Variants in TMTC1 observed in about 807,000 individuals in gnomAD.
TMTC1 encodes the protein protein O-mannosyl-transferase TMTC1.
TMTC1 carries 73 observed loss-of-function variants against 104.8 expected under a neutral mutation model. The ratio of observed to expected loss-of-function variants is 0.70; its 90% confidence interval spans 0.58 to 0.85. TMTC1 has a LOEUF of 0.85. TMTC1 is among the 40% of genes least tolerant of loss of function. The pLI, the probability that TMTC1 is intolerant of heterozygous loss-of-function variation, is 0.00. For synonymous variants in TMTC1, 434 were observed against 428.7 expected (o/e 1.01, Z -0.15); for missense variants, 1,035 against 1,096.1 (o/e 0.94, Z 0.79).
rs1342262239 is a variant in TMTC1, at chr12:29,572,124, G to A, written c.1513C>T (p.His505Tyr). 6 of 1,613,802 alleles carry A rather than the reference G, an allele frequency of 3.7e-6. No homozygotes were observed. The highest frequency in any genetic ancestry group is 1.7e-5 in the Admixed American group (1 of 60,014). ...GCTTACTTGAGAGCTGTTCTGTAGT[G>A]GTAGATCGCTTCCTTGTTCCGACCT... ...DQGRNKEAIY[H>Y]YRTALKLYPR... Residue 505 changes from histidine to tyrosine, a missense_variant, in exon 9 of 18, where the codon CAC (histidine) becomes TAC (tyrosine). By Grantham distance (83) the His-to-Tyr change is moderately conservative. Coordinates refer to ENST00000539277, the MANE Select transcript of TMTC1 (RefSeq NM_001193451.2).
intron 10 of TMTC1, among the ~76,000 whole-genome samples, chr12:29,552,670 C>T (rs299476): frequency 1 from 152,313 of 152,334 alleles, 76,146 homozygotes; most frequent in Middle Eastern, 1. Flanking sequence ...ATTAATCAAA[C>T]AGGAATAATG....
chr12:29,733,649 A>T (rs1942600557), intron 5 of TMTC1, among the ~76,000 whole-genome samples: 1 of 152,152 alleles, frequency 6.6e-6, no homozygotes, highest in Admixed American at 6.5e-5. Context: ...TTCTGAACAC[A>T]TTCTGCCTTG....
At position 29,718,040 on chromosome 12, in the gene TMTC1, T is replaced by C. The variant is rs1240778030; in HGVS notation, c.938+33626A>G. On this transcript the variant is annotated intron_variant, in intron 5 of 17. Coordinates refer to ENST00000539277, the MANE Select transcript of TMTC1 (RefSeq NM_001193451.2). ...CCATCAGTTAAAATGTCAAAATAAG[T>C]AAAGGGAGGTAATATTTATGCTAAT... Among the ~76,000 whole-genome samples the C allele has an allele frequency of 2.0e-5, 3 of 152,222 alleles. No homozygotes were observed. In the East Asian group the frequency reaches 5.8e-4, roughly 29 times the overall value.
In TMTC1 at chr12:29,581,093, C is replaced by T. The variant is rs556578555; in HGVS notation, c.1418+2314G>A. Among the ~76,000 whole-genome samples the T allele has an allele frequency of 2.0e-5, 3 of 152,224 alleles. No homozygotes were observed. In the East Asian group the frequency reaches 5.8e-4, roughly 29 times the overall value. On this transcript the variant is annotated intron_variant, in intron 8 of 17. Transcript: ENST00000539277. ...AAGCACAGAGTGGATAAGTAACTTG[C>T]CTAAGATCACACAGCTATTCAATGG...
Position 29,570,174 on chromosome 12 carries a change from AAATAGTAATTAATTAT to A in TMTC1, c.1532+1915_1532+1930del, listed in dbSNP as rs879737051. 1.5e-3 allele frequency among the ~76,000 whole-genome samples: 229 copies of A among 152,346 alleles called. 1 individual carries two copies. The highest frequency in any genetic ancestry group is 2.6e-3 in the Non-Finnish European group (176 of 68,034). On this transcript the variant is annotated intron_variant, in intron 9 of 17. Transcript: ENST00000539277. ...TTCAAGAATGCCATCTAAAATTGAT[AAATAGTAATTAATTAT>A]TAAAGCCCAAGTATACTTTATATGT...
intron 1 of TMTC1, among the ~76,000 whole-genome samples, chr12:29,780,059 G>C (rs145209928): frequency 6.6e-6 from 1 of 152,296 alleles, no homozygotes; most frequent in African/African-American, 2.4e-5. Flanking sequence ...CAGACACTGC[G>C]GCTAGGAACA....
At position 29,505,640 on chromosome 12, in the gene TMTC1, AAAAAT is replaced by A. The variant is rs1316084158; in HGVS notation, c.*1201_*1205del. The A allele has an allele frequency of 6.6e-6, 1 of 152,114 alleles. No homozygotes were observed. Among genetic ancestry groups the A allele is most frequent in the African/African-American group, 2.4e-5 (1 of 41,456 alleles). The allele number at this position is 152,114 out of a possible 1,614,324, so 9.4% of individuals were successfully genotyped here. A position where few individuals can be genotyped will look rare whatever the true frequency, so the allele number is the denominator to read the frequency against. On this transcript the variant is annotated 3_prime_UTR_variant, in exon 18 of 18. Transcript: ENST00000539277. ...TATAAGTTATGAAATAAATAACACT[AAAAAT>A]AAATGTCAAATTGTGAGTTCAACTT... is the stretch of plus-strand genomic sequence containing the variant.
chr12:29,544,943 G>T (rs1209351703), intron 10 of TMTC1, among the ~76,000 whole-genome samples: 2 of 152,178 alleles, frequency 1.3e-5, no homozygotes, highest in Non-Finnish European at 2.9e-5. Context: ...AGGAGCCCCA[G>T]TGGCCAAAGA....
intron 1 of TMTC1, among the ~76,000 whole-genome samples, chr12:29,769,698 C>T (rs1043680579): frequency 6.6e-6 from 1 of 152,130 alleles, no homozygotes; most frequent in African/African-American, 2.4e-5. Flanking sequence ...GAGCTTTCCA[C>T]ACTAAACCAT....
chr12:29,748,805 A>G (rs967352730), intron 5 of TMTC1, among the ~76,000 whole-genome samples: 1 of 152,232 alleles, frequency 6.6e-6, no homozygotes, highest in Non-Finnish European at 1.5e-5. Flanking sequence ...GAATTTTACA[A>G]GTCGCTTACT....
chr12:29,743,158 A>T (rs986960995), intron 5 of TMTC1, among the ~76,000 whole-genome samples: 4 of 152,192 alleles, frequency 2.6e-5, no homozygotes, highest in African/African-American at 9.7e-5. Flanking sequence ...CGTGGTACAC[A>T]CAAGGAAACT....
At chr12:29,756,430 T>A (rs1592017188) in intron 3 of TMTC1, among the ~76,000 whole-genome samples, 1 of 152,356 alleles carries the variant, frequency 6.6e-6, no homozygotes, top group East Asian at 1.9e-4. Context: ...CTTCCATACA[T>A]AAAACAAAGT....
chr12:29,701,108 T>C (rs1436329498), intron 5 of TMTC1, among the ~76,000 whole-genome samples: 1 of 151,894 alleles, frequency 6.6e-6, no homozygotes, highest in Non-Finnish European at 1.5e-5. Flanking sequence ...GCCAGCTGTA[T>C]CTTAGGACTA....
chr12:29,572,034 G>T, intron 9 of TMTC1, 71 bp downstream of exon 9: 1 of 1,215,808 alleles, frequency 8.2e-7, no homozygotes, highest in Non-Finnish European at 1.2e-6. Flanking sequence ...TCCATATACT[G>T]GGAGGGCCAA....
At chr12:29,662,398 T>C (rs1309551092) in intron 5 of TMTC1, among the ~76,000 whole-genome samples, 1 of 152,172 alleles carries the variant, frequency 6.6e-6, no homozygotes, top group Non-Finnish European at 1.5e-5. Flanking sequence ...ACGCCTGTAA[T>C]CCCAGCACTT....
At position 29,589,988 on chromosome 12, in the gene TMTC1, G is replaced by A. The variant is rs184581633; in HGVS notation, c.1251-6414C>T. Among the ~76,000 whole-genome samples, 229 of 152,298 alleles carry A rather than the reference G, an allele frequency of 1.5e-3. 1 individual carries two copies. Among genetic ancestry groups the A allele is most frequent in the Admixed American group, 3.2e-3 (49 of 15,296 alleles). ...AGATCTGGAAGCTCAGTGCCCTAAT[G>A]CTGTGCTATAATCTAGGGGTTGGCA... On this transcript the variant is annotated intron_variant, in intron 7 of 17. Coordinates refer to ENST00000539277, the MANE Select transcript of TMTC1 (RefSeq NM_001193451.2).
intron 5 of TMTC1, among the ~76,000 whole-genome samples, chr12:29,739,240 C>T (rs1228926600): frequency 2.6e-5 from 4 of 152,066 alleles, no homozygotes; most frequent in African/African-American, 9.7e-5. Flanking sequence ...TTCCCAACCT[C>T]ATCTCCCACT....
At chr12:29,534,026 T>C (rs961218364) in intron 11 of TMTC1, 2 of 152,226 alleles carry the variant, frequency 1.3e-5, no homozygotes, top group Non-Finnish European at 2.9e-5. Flanking sequence ...ACTAAGGGGA[T>C]GGCTTCACTG....
chr12:29,713,281 A>T (rs183898178), intron 5 of TMTC1, among the ~76,000 whole-genome samples: 191 of 146,122 alleles, frequency 1.3e-3, no homozygotes, highest in Non-Finnish European at 1.0e-3. Flanking sequence ...CTTAAAATAA[A>T]TCTCTCTACA....
Sources: allele counts gnomAD v4.1 joint callset (sites outside exome capture counted in the v4.1 genomes callset), GRCh38; gene constraint gnomAD v4.1.1; transcripts MANE v1.5; gene names NCBI Gene and HGNC (gene_info 2026-07-23, HGNC 2026-07-21).